Variants in RFPL1 observed in about 807,000 individuals in gnomAD.
RFPL1 encodes ret finger protein-like 1.
In RFPL1, 6 loss-of-function variants were observed where a neutral mutation model predicts 9.6. That is an observed-to-expected ratio of 0.62 (90% CI 0.34 to 1.23). The LOEUF (loss-of-function observed/expected upper bound fraction) is 1.23. Among genes scored for constraint, RFPL1 ranks in the 50% most tolerant of loss-of-function variants. RFPL1 has a pLI of 0.03. For missense variants in RFPL1, 352 were observed against 398.4 expected (o/e 0.88, Z 0.99); for synonymous variants, 145 against 149.4 (o/e 0.97, Z 0.22).
At chr22:29,434,795 A>C (rs1261269590), upstream of RFPL1, 1 of 152,390 alleles carries the variant, frequency 6.6e-6, no homozygotes, top group African/African-American at 2.4e-5. Flanking sequence ...CAGGGTAGGC[A>C]TTTTCCTGGA....
the RFPL1 span, among the ~76,000 whole-genome samples, chr22:29,415,489 T>G: frequency 6.6e-6 from 1 of 152,214 alleles, no homozygotes; most frequent in Non-Finnish European, 1.5e-5. Context: ...AGGAGCATGC[T>G]CAGGAACCGC....
In RFPL1 at chr22:29,442,047, G is replaced by C. The variant is rs748122700; in HGVS notation, c.879G>C (p.Lys293Asn). ...CTCCAAGTCCACCTAATGGTGATAA[G>C]AGTGTCTTGAGTATCTGTCCTGTGA... Residue 293 changes from lysine (K) to asparagine (N), a missense_variant, in exon 2 of 2, where the codon AAG becomes AAC. By Grantham distance (94) the Lys-to-Asn change is moderately conservative. Coordinates refer to ENST00000354373, the Ensembl canonical transcript of RFPL1. 6.8e-6 allele frequency: 11 copies of C among 1,613,708 alleles called. No individual in the cohort carries two copies. The Admixed American group carries it at 1.8e-4, about 27-fold the overall frequency.
the RFPL1 span, among the ~76,000 whole-genome samples, chr22:29,391,035 A>G: frequency 6.6e-6 from 1 of 151,658 alleles, no homozygotes; most frequent in Non-Finnish European, 1.5e-5. Context: ...CCAGCTACTC[A>G]GGAGGCTGAG....
chr22:29,418,442 TAAGAC>T, the RFPL1 span, among the ~76,000 whole-genome samples: 1 of 151,972 alleles, frequency 6.6e-6, no homozygotes, highest in Non-Finnish European at 1.5e-5. Context: ...TCTGGCCACT[TAAGAC>T]AGGGAGATTT....
upstream of RFPL1, among the ~76,000 whole-genome samples, chr22:29,434,136 G>A (rs1268327455): frequency 6.6e-6 from 1 of 152,028 alleles, no homozygotes; most frequent in Non-Finnish European, 1.5e-5. Context: ...ACTGACATAA[G>A]CCGCCGTACA....
At chr22:29,428,196 A>C in the RFPL1 span, among the ~76,000 whole-genome samples, 1 of 152,212 alleles carries the variant, frequency 6.6e-6, no homozygotes, top group African/African-American at 2.4e-5. Context: ...GGTTCACCAA[A>C]AGCATGCAGG....
chr22:29,426,140 T>C, the RFPL1 span, among the ~76,000 whole-genome samples: 1 of 151,582 alleles, frequency 6.6e-6, no homozygotes, highest in Non-Finnish European at 1.5e-5. Context: ...CTGGCTAACA[T>C]GGCCAAACCC....
At chr22:29,420,971 T>C in the RFPL1 span, among the ~76,000 whole-genome samples, 3 of 151,998 alleles carry the variant, frequency 2.0e-5, no homozygotes, top group African/African-American at 4.8e-5. Flanking sequence ...CCCAGTCCCA[T>C]ACTAACTTGT....
At chr22:29,399,794 A>G in the RFPL1 span, among the ~76,000 whole-genome samples, 1 of 151,906 alleles carries the variant, frequency 6.6e-6, no homozygotes, top group Non-Finnish European at 1.5e-5. Context: ...ATATACTTTT[A>G]TTCTTATTTT....
At chr22:29,438,066 G>A (rs2062817289), upstream of RFPL1, 1 of 202,024 alleles carries the variant, frequency 4.9e-6, no homozygotes, top group Non-Finnish European at 9.2e-6. Flanking sequence ...TAGAGAGGGG[G>A]TCTTCCTGTG....
the RFPL1 span, among the ~76,000 whole-genome samples, chr22:29,423,684 G>A: frequency 6.6e-6 from 1 of 152,178 alleles, no homozygotes; most frequent in African/African-American, 2.4e-5. Context: ...CATCATCAAG[G>A]CACGATGTTA....
the RFPL1 span, among the ~76,000 whole-genome samples, chr22:29,405,681 CA>C: frequency 6.6e-6 from 1 of 152,166 alleles, no homozygotes; most frequent in Admixed American, 6.5e-5. Flanking sequence ...ATTCTTGCCC[CA>C]CATCTTCATG....
the RFPL1 span, among the ~76,000 whole-genome samples, chr22:29,391,787 A>G: frequency 3.3e-5 from 5 of 152,338 alleles, no homozygotes; most frequent in Middle Eastern, 3.4e-3. Flanking sequence ...CCCCACGCCC[A>G]GTGCAAGGGA....
At chr22:29,413,457 A>G in the RFPL1 span, among the ~76,000 whole-genome samples, 1 of 152,194 alleles carries the variant, frequency 6.6e-6, no homozygotes, top group Non-Finnish European at 1.5e-5. Context: ...TTTTAAATGT[A>G]GGGACATCAG....
At chr22:29,414,965 G>A in the RFPL1 span, among the ~76,000 whole-genome samples, 1 of 152,186 alleles carries the variant, frequency 6.6e-6, no homozygotes, top group Non-Finnish European at 1.5e-5. Context: ...TGGGTTAGTG[G>A]GTTCACGGAA....
chr22:29,434,841 A>G (rs2062801322), upstream of RFPL1: 1 of 152,196 alleles, frequency 6.6e-6, no homozygotes, highest in African/African-American at 2.4e-5. Context: ...TATAACATTA[A>G]TGATGGGACT....
chr22:29,416,312 C>T, the RFPL1 span, among the ~76,000 whole-genome samples: 5 of 147,028 alleles, frequency 3.4e-5, no homozygotes, highest in East Asian at 2.2e-4. Flanking sequence ...AAATGCCCAC[C>T]GGAGTCAGGG....
the RFPL1 span, among the ~76,000 whole-genome samples, chr22:29,429,785 G>A: frequency 1.3e-5 from 2 of 152,134 alleles, no homozygotes; most frequent in Non-Finnish European, 2.9e-5. Flanking sequence ...AAAGTTTTAG[G>A]ATATAAAATC....
At chr22:29,441,801 A>G in exon 2 of RFPL1, 1 of 1,613,998 alleles carries the variant, frequency 6.2e-7, no homozygotes, top group Non-Finnish European at 8.5e-7. Flanking sequence ...ATCTGACCAC[A>G]GAGCGTGGAT....
Sources: gnomAD v4.1 joint callset for allele counts (sites outside exome capture counted in the v4.1 genomes callset) on GRCh38, gnomAD v4.1.1 for gene constraint, MANE v1.5 for transcripts, NCBI Gene and HGNC (gene_info 2026-07-23, HGNC 2026-07-21) for gene names.